ZFP41: variants seen among roughly 807,000 people sequenced by gnomAD.
ZFP41 encodes the protein zinc finger protein 41 homolog.
In ZFP41, 10 loss-of-function variants were observed where a neutral mutation model predicts 11.6. The observed-to-expected ratio is 0.86, with a 90% CI of 0.53 to 1.47. The LOEUF is 1.47. Among genes scored for constraint, ZFP41 ranks in the 40% most tolerant of loss-of-function variants. The probability of loss-of-function intolerance (pLI) is 0.00; values close to 1 mark genes in which losing one functional copy is unlikely to be tolerated. For synonymous variants in ZFP41, 123 were observed against 100.9 expected, an observed-to-expected ratio of 1.22 and a Z score of -1.31; for missense variants, 302 against 264.6, an observed-to-expected ratio of 1.14 and a Z score of -0.98.
chr8:143,249,366 G>A (rs572793799), intron 1 of ZFP41: 103 of 159,936 alleles, frequency 6.4e-4, no homozygotes, highest in Admixed American at 5.3e-3. Context: ...GTATGGTGGA[G>A]AAGGAGACTA....
rs1396448477 is a variant in ZFP41, at chr8:143,261,831, T to TGTCTCCGGCAGCACCTGCCACGCCC, written c.*2969_*2970insACCTGCCACGCCCGTCTCCGGCAGC. On this transcript the variant is annotated 3_prime_UTR_variant, in exon 3 of 3. Transcript: ENST00000330701. ...CCCGCACCCCTGCACCTGCCACGCC[T>TGTCTCCGGCAGCACCTGCCACGCCC]GTCTCCGGCAGCCCCTGCCCGCACC... is the stretch of plus-strand genomic sequence containing the variant. 2.8e-5 allele frequency: 1 copy of TGTCTCCGGCAGCACCTGCCACGCCC among 35,362 alleles called. No homozygotes were observed. Among genetic ancestry groups the TGTCTCCGGCAGCACCTGCCACGCCC allele is most frequent in the Non-Finnish European group, 5.3e-5 (1 of 18,988 alleles). 2.2% of individuals were successfully genotyped at this position (35,362 alleles called of 1,614,324 possible).
intron 2 of ZFP41, chr8:143,252,600 G>A: frequency 1.0e-5 from 10 of 983,766 alleles, no homozygotes; most frequent in Non-Finnish European, 1.2e-5. Context: ...GCTGCTGGAA[G>A]CACGGCCTTC....
chr8:143,255,329 C>G (rs896275927), intron 2 of ZFP41, among the ~76,000 whole-genome samples: 1 of 152,210 alleles, frequency 6.6e-6, no homozygotes, highest in African/African-American at 2.4e-5. Context: ...GAACAAGAAC[C>G]GTAATACGTG....
rs1814726767 is a variant in ZFP41, at chr8:143,250,773, C to T, written c.*333C>T. The T allele has an allele frequency of 1.1e-5, 4 of 365,048 alleles. No individual in the cohort carries two copies. Among genetic ancestry groups the T allele is most frequent in the African/African-American group, 2.0e-5 (1 of 48,794 alleles). 22.6% of individuals were successfully genotyped at this position (365,048 alleles called of 1,614,324 possible). A position where few individuals can be genotyped will look rare whatever the true frequency, so the allele number is the denominator to read the frequency against. ...GGAGTATTCACTGCCATCCATTGGA[C>T]GTGTTTGGGTCACCTCAGAGCACCC... On this transcript the variant is annotated 3_prime_UTR_variant, in exon 2 of 3. Coordinates refer to ENST00000330701, the MANE Select transcript of ZFP41 (RefSeq NM_173832.6).
intron 2 of ZFP41, among the ~76,000 whole-genome samples, chr8:143,257,219 C>T (rs913607565): frequency 1.1e-4 from 16 of 152,302 alleles, no homozygotes; most frequent in East Asian, 3.9e-4. Flanking sequence ...AGGCCAGGCA[C>T]GGTGGCTCAC....
chr8:143,249,962 C>T lies in ZFP41; in HGVS notation c.119C>T (p.Pro40Leu), dbSNP rs781487197. 3 of 1,614,028 alleles carry T rather than the reference C, an allele frequency of 1.9e-6. No individual in the cohort carries two copies. In the South Asian group the frequency reaches 3.3e-5, roughly 18 times the overall value. The stretch of plus-strand genomic sequence containing the variant: ...GGGGACAGAAAGCCACCTGAGAGGC[C>T]CACTGTGCCCAGGAAGCCCCGCACA... ...VSGDRKPPER[P>L]TVPRKPRTEP... Residue 40 changes from proline to leucine, a missense_variant, in exon 2 of 3, where the codon CCC becomes CTC. Pro to Leu is a moderately conservative substitution (Grantham distance 98). Coordinates refer to ENST00000330701, the MANE Select transcript of ZFP41 (RefSeq NM_173832.6).
chr8:143,260,028 C>G lies in ZFP41; in HGVS notation c.*1154C>G, dbSNP rs1379144913. ...GCCTCTGAAATCGTGCAGGGAAGCA[C>G]CCTGTGAAATCGTGCAGGGAAGCAC... is the stretch of plus-strand genomic sequence containing the variant. On this transcript the variant is annotated 3_prime_UTR_variant, in exon 3 of 3. Transcript: ENST00000330701. 6.5e-6 allele frequency: 1 copy of G among 153,886 alleles called. No homozygotes were observed. The highest frequency in any genetic ancestry group is 1.9e-4 in the South Asian group (1 of 5,270). 9.5% of individuals were successfully genotyped at this position (153,886 alleles called of 1,614,324 possible). A position where few individuals can be genotyped will look rare whatever the true frequency, so the allele number is the denominator to read the frequency against.
chr8:143,247,258 C>G (rs952934542), intron 1 of ZFP41, 116 bp downstream of exon 1: 1 of 152,378 alleles, frequency 6.6e-6, no homozygotes, highest in South Asian at 2.1e-4. Context: ...CGGCTTTGAG[C>G]ACCTCCCGGG....
At chr8:143,255,023 T>C (rs1329718176) in intron 2 of ZFP41, among the ~76,000 whole-genome samples, 1 of 152,172 alleles carries the variant, frequency 6.6e-6, no homozygotes, top group Non-Finnish European at 1.5e-5. Context: ...CAGGTGTGGA[T>C]TGACATCTCA....
At position 143,260,788 on chromosome 8, in the gene ZFP41, C is replaced by G. The variant is rs916137732; in HGVS notation, c.*1914C>G. On this transcript the variant is annotated 3_prime_UTR_variant, in exon 3 of 3. Coordinates refer to ENST00000330701, the MANE Select transcript of ZFP41 (RefSeq NM_173832.6). ...ACCAGCGGGCACCATCCTCCCAGCC[C>G]CACTCAGCTGCCCTGACCAGCGGGC... 5.4e-6 allele frequency: 1 copy of G among 186,282 alleles called. No individual in the cohort carries two copies. Among genetic ancestry groups the G allele is most frequent in the Non-Finnish European group, 1.1e-5 (1 of 88,434 alleles). 11.5% of individuals were successfully genotyped at this position (186,282 alleles called of 1,614,324 possible).
intron 1 of ZFP41, 51 bp from the exon 2 acceptor site, chr8:143,249,639 C>A: frequency 1.3e-6 from 1 of 763,474 alleles, no homozygotes; most frequent in Non-Finnish European, 1.9e-6. Flanking sequence ...ATCCCACATC[C>A]CCTGAAAGGC....
intron 1 of ZFP41, chr8:143,248,444 A>T (rs1484065434): frequency 6.6e-6 from 1 of 152,484 alleles, no homozygotes; most frequent in Non-Finnish European, 1.5e-5. Context: ...CGTTAGGCTC[A>T]GTGGGTTCAC....
At chr8:143,255,701 G>A (rs544473320) in intron 2 of ZFP41, among the ~76,000 whole-genome samples, 6 of 131,082 alleles carry the variant, frequency 4.6e-5, no homozygotes, top group South Asian at 5.3e-4. Context: ...CTCGCCCCGC[G>A]TGCTGGTGTT....
At chr8:143,258,243 C>T (rs927271390) in intron 2 of ZFP41, among the ~76,000 whole-genome samples, 1 of 152,200 alleles carries the variant, frequency 6.6e-6, no homozygotes, top group Non-Finnish European at 1.5e-5. Flanking sequence ...ATCAGTTGAG[C>T]CCAGGAGGTT....
intron 2 of ZFP41, among the ~76,000 whole-genome samples, chr8:143,258,106 G>A (rs1020840719): frequency 2.0e-5 from 3 of 152,304 alleles, no homozygotes; most frequent in South Asian, 2.1e-4. Context: ...TGGGAGGATC[G>A]ATTGAGCTCA....
At chr8:143,247,354 G>C (rs1430320105) in intron 1 of ZFP41, 1 of 152,318 alleles carries the variant, frequency 6.6e-6, no homozygotes, top group Non-Finnish European at 1.5e-5. Context: ...GAGCACGCAC[G>C]GGACCCTGGC....
chr8:143,252,595 T>C, intron 2 of ZFP41: 1 of 982,892 alleles, frequency 1.0e-6, no homozygotes, highest in Non-Finnish European at 1.2e-6. Context: ...CAGTCGCTGC[T>C]GGAAGCACGG....
chr8:143,252,841 G>A (rs927482171), intron 2 of ZFP41: 2 of 156,288 alleles, frequency 1.3e-5, no homozygotes, highest in African/African-American at 4.8e-5. Context: ...TAGATAGACT[G>A]TCCCTGGATG....
chr8:143,250,409 A>G lies in ZFP41; in HGVS notation c.566A>G (p.His189Arg). The change falls in exon 2 of 3, where the codon CAT (histidine) becomes CGT (arginine). Residue 189 changes from histidine (H) to arginine (R), a missense_variant. His to Arg is a conservative substitution (Grantham distance 29). Transcript: ENST00000330701. ...GCCTACAGCTCCTGTCTCATCCGCC[A>G]TCAGAAACGCCACCCTCGGAAGAAG... is the stretch of plus-strand genomic sequence containing the variant. ...AFAYSSCLIR[H>R]QKRHPRKKP The G allele has an allele frequency of 6.2e-7, 1 of 1,612,052 alleles. No individual in the cohort carries two copies. Among genetic ancestry groups the G allele is most frequent in the East Asian group, 2.2e-5 (1 of 44,848 alleles).
Sources: gnomAD v4.1 joint callset for allele counts (sites outside exome capture counted in the v4.1 genomes callset) on GRCh38, gnomAD v4.1.1 for gene constraint, MANE v1.5 for transcripts, NCBI Gene and HGNC (gene_info 2026-07-23, HGNC 2026-07-21) for gene names.